The following EFR3A variants were observed in gnomAD, a reference collection of about 807,000 sequenced individuals.
EFR3A encodes EFR3 homolog A.
Under a neutral mutation model 104.4 loss-of-function variants are expected in EFR3A, and 76 were observed. The observed-to-expected ratio is 0.73, with a 90% CI of 0.60 to 0.88. The LOEUF (loss-of-function observed/expected upper bound fraction) is 0.88. Ranked by LOEUF, EFR3A falls within the 40% of genes least tolerant of loss-of-function variation. The pLI is 0.00. For synonymous variants in EFR3A, 330 were observed against 330.0 expected (o/e 1.00, Z 0.00); for missense variants, 985 against 1,012.5 (o/e 0.97, Z 0.37).
chr8:131,929,437 C>T (rs534877475), intron 1 of EFR3A, among the ~76,000 whole-genome samples: 14 of 152,278 alleles, frequency 9.2e-5, no homozygotes, highest in Non-Finnish European at 1.8e-4. Context: ...ATAATCCTCT[C>T]CTCTTTGCCT....
At chr8:131,982,876 AG>A (rs1820684811) in intron 14 of EFR3A, among the ~76,000 whole-genome samples, 1 of 152,186 alleles carries the variant, frequency 6.6e-6, no homozygotes. Flanking sequence ...AGATTCAGAA[AG>A]GTGGAAACCA....
intron 1 of EFR3A, among the ~76,000 whole-genome samples, chr8:131,905,570 C>G (rs1259712539): frequency 6.6e-6 from 1 of 152,162 alleles, no homozygotes; most frequent in Non-Finnish European, 1.5e-5. Context: ...GTTTTCTTCA[C>G]ACACTACTGT....
intron 18 of EFR3A, among the ~76,000 whole-genome samples, chr8:131,990,767 A>G (rs777298158): frequency 2.6e-5 from 4 of 152,182 alleles, no homozygotes; most frequent in African/African-American, 7.2e-5. Context: ...GTGAGGATAC[A>G]GAGTAGGTAG....
intron 8 of EFR3A, among the ~76,000 whole-genome samples, chr8:131,963,272 G>T (rs1819501764): frequency 6.6e-6 from 1 of 152,132 alleles, no homozygotes; most frequent in Non-Finnish European, 1.5e-5. Context: ...AAAAATCAGT[G>T]AATCCAGGAG....
At chr8:131,910,130 C>A (rs147686841) in intron 1 of EFR3A, among the ~76,000 whole-genome samples, 1 of 152,304 alleles carries the variant, frequency 6.6e-6, no homozygotes, top group East Asian at 1.9e-4. Context: ...ATAGATAGTT[C>A]CAAGCATCTC....
In EFR3A at chr8:131,970,484, G is replaced by T; in HGVS notation, c.1000G>T (p.Val334Leu). Reference sequence around the variant, plus strand: ...TAAGTGATCCTTTATAGGTCCGACAGTGCTGGAAGTCTTCAATACCCTTTT... The same window carrying T: ...TAAGTGATCCTTTATAGGTCCGACATTGCTGGAAGTCTTCAATACCCTTTT... ...IAAKGSIGPT[V>L]LEVFNTLLKH... is the part of the protein sequence containing the mutation. Residue 334 changes from valine (V) to leucine (L), a missense_variant, in exon 10 of 23, where the codon GTG becomes TTG. By Grantham distance (32) the Val-to-Leu change is conservative. Transcript: ENST00000254624. The T allele has an allele frequency of 6.2e-7, 1 of 1,613,658 alleles. No homozygotes were observed. The highest frequency in any genetic ancestry group is 8.5e-7 in the Non-Finnish European group (1 of 1,179,676).
intron 18 of EFR3A, among the ~76,000 whole-genome samples, chr8:131,992,602 G>A: frequency 6.6e-6 from 1 of 152,274 alleles, no homozygotes; most frequent in Non-Finnish European, 1.5e-5. Context: ...AAGAAAGAGG[G>A]ACAAGTAGAA....
chr8:131,985,940 T>C (rs1372772660), intron 16 of EFR3A, among the ~76,000 whole-genome samples: 2 of 152,216 alleles, frequency 1.3e-5, no homozygotes, highest in Non-Finnish European at 2.9e-5. Flanking sequence ...TCAAATGTAA[T>C]GTGTCATCAT....
Position 132,011,323 on chromosome 8 carries a change from A to T in EFR3A, c.*428A>T, listed in dbSNP as rs1339627237. On this transcript the variant is annotated 3_prime_UTR_variant, in exon 23 of 23. Transcript: ENST00000254624. Reference sequence around the variant, plus strand: ...TGTTGTTTTCTGCAAAGGCAGATACATTTAAATATATTCCTAGTCCTGGGA... The same window carrying T: ...TGTTGTTTTCTGCAAAGGCAGATACTTTTAAATATATTCCTAGTCCTGGGA... 4.1e-6 allele frequency: 4 copies of T among 987,416 alleles called. No individual in the cohort carries two copies. The highest frequency in any genetic ancestry group is 1.7e-5 in the African/African-American group (1 of 57,266). 61.2% of individuals were successfully genotyped at this position (987,416 alleles called of 1,614,324 possible). A position where few individuals can be genotyped will look rare whatever the true frequency, so the allele number is the denominator to read the frequency against.
At chr8:132,005,690 C>A (rs1029830595) in intron 22 of EFR3A, among the ~76,000 whole-genome samples, 3 of 152,140 alleles carry the variant, frequency 2.0e-5, no homozygotes, top group African/African-American at 7.2e-5. Flanking sequence ...ATGTTCCTCT[C>A]ATAAGAGTAC....
intron 1 of EFR3A, among the ~76,000 whole-genome samples, chr8:131,939,051 G>A (rs976989096): frequency 2.6e-5 from 4 of 151,960 alleles, no homozygotes; most frequent in Admixed American, 2.0e-4. Flanking sequence ...TATGCTATTG[G>A]GAATCCTATC....
At chr8:131,910,340 C>T (rs1034265152) in intron 1 of EFR3A, among the ~76,000 whole-genome samples, 4 of 151,702 alleles carry the variant, frequency 2.6e-5, no homozygotes, top group African/African-American at 9.7e-5. Context: ...GGTGTGATCT[C>T]GGCTCACTGC....
intron 22 of EFR3A, among the ~76,000 whole-genome samples, chr8:132,007,888 A>G (rs1822126189): frequency 1.3e-5 from 2 of 151,990 alleles, no homozygotes; most frequent in South Asian, 4.1e-4. Flanking sequence ...GAACAACTAG[A>G]TAAGCTAAAA....
Position 131,987,622 on chromosome 8 carries a change from C to A in EFR3A, c.1985C>A (p.Thr662Asn). Residue 662 changes from threonine (T) to asparagine (N), a missense_variant, in exon 18 of 23, where the codon ACC becomes AAC. Physicochemically the swap from Thr to Asn is moderately conservative, Grantham distance 65. Coordinates refer to ENST00000254624, the MANE Select transcript of EFR3A (RefSeq NM_015137.6). Reference protein sequence around the residue: ...EKHEKDLYFLTNKIAESLGGS... With the variant: ...EKHEKDLYFLNNKIAESLGGS... ...CATGAAAAAGATTTGTACTTTCTGACCAACAAGATTGCAGAGTCGCTAGGT... is the reference window on the plus strand; with the variant it reads ...CATGAAAAAGATTTGTACTTTCTGAACAACAAGATTGCAGAGTCGCTAGGT... The A allele has an allele frequency of 6.3e-7, 1 of 1,597,754 alleles. No individual in the cohort carries two copies. The highest frequency in any genetic ancestry group is 8.5e-7 in the Non-Finnish European group (1 of 1,171,096).
chr8:131,920,647 G>A (rs1816966600), intron 1 of EFR3A, among the ~76,000 whole-genome samples: 1 of 151,704 alleles, frequency 6.6e-6, no homozygotes, highest in South Asian at 2.1e-4. Flanking sequence ...ACAATGTTTT[G>A]ACGACGTTGC....
chr8:131,932,644 GAAGT>G (rs1380855859), intron 1 of EFR3A, among the ~76,000 whole-genome samples: 3 of 152,052 alleles, frequency 2.0e-5, no homozygotes, highest in African/African-American at 4.8e-5. Flanking sequence ...CTAAGACATG[GAAGT>G]AAGTTCCTAT....
rs1821702671 is a variant in EFR3A at position 131,999,859 on chromosome 8, TAAA to T, written c.2158-1897_2158-1895del. 1.3e-5 allele frequency among the ~76,000 whole-genome samples: 2 copies of T among 152,058 alleles called. 1 individual carries two copies. Among genetic ancestry groups the T allele is most frequent in the South Asian group, 4.1e-4 (2 of 4,828 alleles). On this transcript the variant is annotated intron_variant, in intron 19 of 22. Transcript: ENST00000254624. ...TGTCATTATTAGAGTTGTGCTTTCA[TAAA>T]AAGAATCTCTCAAGTGTGACAAGGC...
At chr8:131,951,417 T>C (rs1223534332) in intron 5 of EFR3A, among the ~76,000 whole-genome samples, 1 of 152,090 alleles carries the variant, frequency 6.6e-6, no homozygotes, top group African/African-American at 2.4e-5. Flanking sequence ...AAAATTAATT[T>C]TTCTCTCTCT....
chr8:132,008,319 C>G (rs1307901588), intron 22 of EFR3A, among the ~76,000 whole-genome samples: 2 of 151,842 alleles, frequency 1.3e-5, no homozygotes, highest in Non-Finnish European at 2.9e-5. Flanking sequence ...CATTCGTTAA[C>G]AAGGAAATGC....
Sources: allele counts gnomAD v4.1 joint callset (sites outside exome capture counted in the v4.1 genomes callset), GRCh38; gene constraint gnomAD v4.1.1; transcripts MANE v1.5; gene names NCBI Gene and HGNC (gene_info 2026-07-23, HGNC 2026-07-21).